STK3: variants seen among roughly 807,000 people sequenced by gnomAD.
STK3 encodes the protein serine/threonine-protein kinase 3.
A neutral mutation model predicts 58.0 loss-of-function variants in STK3; 41 were observed. The observed-to-expected ratio is 0.71, with a 90% CI of 0.55 to 0.92. STK3 has a LOEUF of 0.92. Ranked by LOEUF, STK3 falls within the 40% of genes least tolerant of loss-of-function variation. The pLI, the probability that STK3 is intolerant of heterozygous loss-of-function variation, is 0.00. For synonymous variants in STK3, 170 were observed against 191.0 expected, an observed-to-expected ratio of 0.89 and a Z score of 0.91; for missense variants, 479 against 602.7, an observed-to-expected ratio of 0.79 and a Z score of 2.15.
chr8:98,653,448 C>T (rs1229472255), intron 6 of STK3, among the ~76,000 whole-genome samples: 2 of 152,038 alleles, frequency 1.3e-5, no homozygotes, highest in African/African-American at 4.8e-5. Flanking sequence ...CAAACACATT[C>T]AAAAGCTAGC....
chr8:98,565,144 CAGTGGTTCTCA>C (rs1812372328), intron 8 of STK3, among the ~76,000 whole-genome samples: 1 of 152,062 alleles, frequency 6.6e-6, no homozygotes, highest in Non-Finnish European at 1.5e-5. Context: ...ACCCATAAGT[CAGTGGTTCTCA>C]CCCAGGCCAC....
At chr8:98,696,739 T>A (rs1205858126) in intron 6 of STK3, among the ~76,000 whole-genome samples, 2 of 152,194 alleles carry the variant, frequency 1.3e-5, no homozygotes, top group African/African-American at 4.8e-5. Flanking sequence ...CTTTTTGATG[T>A]GCTGCTGGAT....
chr8:98,661,672 C>T (rs1455149321), intron 6 of STK3, among the ~76,000 whole-genome samples: 3 of 152,066 alleles, frequency 2.0e-5, no homozygotes, highest in Non-Finnish European at 4.4e-5. Context: ...CAGGACATGA[C>T]CACTACCTCT....
upstream of STK3, chr8:98,825,797 C>G (rs1564039710): frequency 1.0e-4 from 10 of 100,490 alleles, 2 homozygotes; most frequent in African/African-American, 4.2e-4. Context: ...CGCCCCCGGC[C>G]GCCCCGCCCC....
chr8:98,878,158 T>A (rs1837629341), intron 3 of STK3, among the ~76,000 whole-genome samples: 1 of 151,512 alleles, frequency 6.6e-6, no homozygotes, highest in Non-Finnish European at 1.5e-5. Flanking sequence ...GCTCAAGCAA[T>A]TCTCGTGCCT....
chr8:98,357,567 G>A, the STK3 span, among the ~76,000 whole-genome samples: 1 of 152,188 alleles, frequency 6.6e-6, no homozygotes, highest in African/African-American at 2.4e-5. Context: ...TGCCATGTGT[G>A]TGCTTACTAA....
rs554024323 is a variant in STK3, at chr8:98,908,755, A to G, written c.-78-24921T>C. On this transcript the variant is annotated intron_variant, in intron 1 of 1. Transcript: ENST00000519420. ...CTACTCAGGAGGTTGAGGCAGGAGA[A>G]CCCCTTGAACCCGGGAGGCGGAGGT... Among the ~76,000 whole-genome samples, 3 of 148,992 alleles carry G rather than the reference A, an allele frequency of 2.0e-5. No homozygotes were observed. In the South Asian group the frequency reaches 6.5e-4, roughly 32 times the overall value.
chr8:98,735,856 A>G (rs1828538434), intron 4 of STK3, among the ~76,000 whole-genome samples: 1 of 152,186 alleles, frequency 6.6e-6, no homozygotes, highest in Admixed American at 6.5e-5. Context: ...ATCTTTTCCT[A>G]CATGTTTCCC....
At chr8:98,740,191 C>A (rs1829066737) in intron 4 of STK3, among the ~76,000 whole-genome samples, 1 of 152,132 alleles carries the variant, frequency 6.6e-6, no homozygotes, top group African/African-American at 2.4e-5. Context: ...TCCAGGAGAA[C>A]TTCCCCAATC....
At chr8:98,491,625 G>C (rs1254305322) in intron 10 of STK3, among the ~76,000 whole-genome samples, 1 of 152,024 alleles carries the variant, frequency 6.6e-6, no homozygotes, top group Non-Finnish European at 1.5e-5. Flanking sequence ...AGTAGAGATG[G>C]GGTTTCACCA....
intron 9 of STK3, among the ~76,000 whole-genome samples, chr8:98,541,016 CG>C (rs1810210161): frequency 6.6e-6 from 1 of 151,952 alleles, no homozygotes; most frequent in African/African-American, 2.4e-5. Context: ...CTGAACTCAG[CG>C]GCGCCAGCGG....
At chr8:98,570,416 C>T (rs912773911) in intron 8 of STK3, among the ~76,000 whole-genome samples, 8 of 152,016 alleles carry the variant, frequency 5.3e-5, no homozygotes, top group African/African-American at 1.9e-4. Flanking sequence ...GCTGGGATTA[C>T]AGGCGTGAGC....
chr8:98,505,864 TGAG>T (rs1824019877), intron 10 of STK3, among the ~76,000 whole-genome samples: 1 of 152,194 alleles, frequency 6.6e-6, no homozygotes, highest in Admixed American at 6.5e-5. Flanking sequence ...GGGACCCACT[TGAG>T]GAGGCAGTCT....
At chr8:98,662,011 C>G (rs1196733185) in intron 6 of STK3, among the ~76,000 whole-genome samples, 1 of 152,060 alleles carries the variant, frequency 6.6e-6, no homozygotes, top group Non-Finnish European at 1.5e-5. Flanking sequence ...CTGTAAGCTT[C>G]TTAAGCATAA....
intron 1 of STK3, among the ~76,000 whole-genome samples, chr8:98,823,864 A>G (rs535443849): frequency 1.3e-5 from 2 of 152,330 alleles, no homozygotes; most frequent in South Asian, 4.1e-4. Context: ...TAAATAATGT[A>G]TACTTAAATT....
chr8:98,565,831 C>T (rs1172505749), intron 8 of STK3, among the ~76,000 whole-genome samples: 2 of 152,132 alleles, frequency 1.3e-5, no homozygotes, highest in African/African-American at 4.8e-5. Flanking sequence ...TTAATCAACT[C>T]ATGCTAAAGA....
intron 6 of STK3, among the ~76,000 whole-genome samples, chr8:98,695,230 T>C (rs1824781553): frequency 6.6e-6 from 1 of 152,246 alleles, no homozygotes; most frequent in Non-Finnish European, 1.5e-5. Flanking sequence ...GAGTTCATTG[T>C]AGATTCTGGA....
intron 8 of STK3, among the ~76,000 whole-genome samples, chr8:98,561,921 T>C (rs1214511941): frequency 1.3e-5 from 2 of 152,058 alleles, no homozygotes; most frequent in African/African-American, 4.8e-5. Context: ...ATGCCCGACA[T>C]CTTCATCACT....
intron 6 of STK3, among the ~76,000 whole-genome samples, chr8:98,605,336 G>A (rs1291737996): frequency 6.6e-6 from 1 of 152,116 alleles, no homozygotes; most frequent in African/African-American, 2.4e-5. Context: ...CTGGCTCATG[G>A]TTCTGCAGGC....
Sources: gnomAD v4.1 joint callset for allele counts (sites outside exome capture counted in the v4.1 genomes callset) on GRCh38, gnomAD v4.1.1 for gene constraint, MANE v1.5 for transcripts, NCBI Gene and HGNC (gene_info 2026-07-23, HGNC 2026-07-21) for gene names.